Variants in HS6ST3 observed in about 807,000 individuals in gnomAD.
The protein encoded by HS6ST3 is heparan-sulfate 6-O-sulfotransferase 3.
A neutral mutation model predicts 36.7 loss-of-function variants in HS6ST3; 12 were observed. The observed-to-expected ratio is 0.33, with a 90% confidence interval of 0.21 to 0.53. HS6ST3 has a LOEUF of 0.53. Among genes scored for constraint, HS6ST3 ranks in the 20% least tolerant of loss-of-function variants. HS6ST3 has a pLI of 0.95. For missense variants in HS6ST3, 584 were observed against 640.9 expected (o/e 0.91, Z 0.96); for synonymous variants, 240 against 257.5 (o/e 0.93, Z 0.65).
At chr13:96,389,799 A>G (rs910603472) in intron 1 of HS6ST3, among the ~76,000 whole-genome samples, 1 of 152,204 alleles carries the variant, frequency 6.6e-6, no homozygotes, top group African/African-American at 2.4e-5. Context: ...GGATCTCCCT[A>G]AGATTTTAAC....
chr13:96,442,572 G>C (rs1383007019), intron 1 of HS6ST3, among the ~76,000 whole-genome samples: 1 of 152,044 alleles, frequency 6.6e-6, no homozygotes. Flanking sequence ...ACTTGAACAT[G>C]GATAGCAGAA....
intron 1 of HS6ST3, among the ~76,000 whole-genome samples, chr13:96,263,378 T>C (rs74106369): frequency 0.018 from 2,685 of 152,298 alleles, 84 homozygotes; most frequent in African/African-American, 0.059. Flanking sequence ...AGAAAGTTTT[T>C]CCAGTCCGTA....
In HS6ST3 at chr13:96,713,239, A is replaced by G. The variant is rs143803982; in HGVS notation, c.708-119251A>G. Among the ~76,000 whole-genome samples, 279 of 152,306 alleles carry G rather than the reference A, an allele frequency of 1.8e-3. 2 individuals are homozygous for G. The highest frequency in any genetic ancestry group is 6.3e-3 in the African/African-American group (262 of 41,558). The stretch of plus-strand genomic sequence containing the variant: ...TTTAAATATGGACTCTAAATATTCT[A>G]CATCTTTCAAAACCATTGATTGCCA... On this transcript the variant is annotated intron_variant, in intron 1 of 1. Transcript: ENST00000376705.
At chr13:96,407,072 C>T (rs550425607) in intron 1 of HS6ST3, among the ~76,000 whole-genome samples, 4 of 152,246 alleles carry the variant, frequency 2.6e-5, no homozygotes, top group East Asian at 3.9e-4. Flanking sequence ...TATCATTTTA[C>T]GGGATTTGAC....
At chr13:96,740,108 C>G (rs1414409686) in intron 1 of HS6ST3, among the ~76,000 whole-genome samples, 1 of 152,280 alleles carries the variant, frequency 6.6e-6, no homozygotes, top group East Asian at 1.9e-4. Context: ...TAGTAACAAT[C>G]ATCTCCTAAT....
rs778194663 is a variant in HS6ST3, at chr13:96,090,913, C to T, written c.51C>T (p.Leu17=). ...KWLLTPVLTL[L]FVVIMYQYVS... ...TGCTGACGCCGGTGCTCACTCTCCT[C>T]TTCGTGGTCATCATGTACCAGTACG... Residue 17 remains leucine, a synonymous_variant, in exon 1 of 2, where the codon CTC becomes CTT. Coordinates refer to ENST00000376705, the MANE Select transcript of HS6ST3 (RefSeq NM_153456.4). 6.6e-7 allele frequency: 1 copy of T among 1,514,596 alleles called. No homozygotes were observed. The highest frequency in any genetic ancestry group is 8.9e-7 in the Non-Finnish European group (1 of 1,126,728). 93.8% of individuals were successfully genotyped at this position (1,514,596 alleles called of 1,614,324 possible). A position where few individuals can be genotyped will look rare whatever the true frequency, so the allele number is the denominator to read the frequency against.
At chr13:96,237,430 T>C (rs1271265804) in intron 1 of HS6ST3, among the ~76,000 whole-genome samples, 1 of 152,170 alleles carries the variant, frequency 6.6e-6, no homozygotes, top group African/African-American at 2.4e-5. Context: ...AGTTCTTTTA[T>C]TTTCCACTGG....
At chr13:96,501,748 A>C (rs2056005272) in intron 1 of HS6ST3, among the ~76,000 whole-genome samples, 1 of 152,250 alleles carries the variant, frequency 6.6e-6, no homozygotes, top group South Asian at 2.1e-4. Flanking sequence ...ATATGCTAAA[A>C]ATTCCTGATG....
intron 1 of HS6ST3, among the ~76,000 whole-genome samples, chr13:96,397,232 A>C (rs2055426708): frequency 6.6e-6 from 1 of 151,918 alleles, no homozygotes. Flanking sequence ...AAAAACAAAA[A>C]CTGCATTTTT....
intron 1 of HS6ST3, among the ~76,000 whole-genome samples, chr13:96,175,694 C>CAA (rs4001570): frequency 2.1e-5 from 3 of 140,824 alleles, no homozygotes; most frequent in African/African-American, 5.2e-5. Context: ...GTGAATTTGG[C>CAA]AAAAAAAAAA....
chr13:96,351,047 G>A (rs1594760139), intron 1 of HS6ST3, among the ~76,000 whole-genome samples: 1 of 152,128 alleles, frequency 6.6e-6, no homozygotes, highest in Non-Finnish European at 1.5e-5. Flanking sequence ...TTTTCATTGA[G>A]AACCATGTTT....
chr13:96,710,083 A>C (rs2138460103), intron 1 of HS6ST3, among the ~76,000 whole-genome samples: 1 of 152,316 alleles, frequency 6.6e-6, no homozygotes, highest in South Asian at 2.1e-4. Flanking sequence ...AGGTAGATGA[A>C]AAACTGCTGC....
At chr13:96,468,660 G>A (rs1016500185) in intron 1 of HS6ST3, among the ~76,000 whole-genome samples, 4 of 152,096 alleles carry the variant, frequency 2.6e-5, no homozygotes, top group Admixed American at 2.0e-4. Context: ...ACTAAGAGCA[G>A]GATGTTATCA....
At chr13:96,775,907 G>A (rs534211260) in intron 1 of HS6ST3, among the ~76,000 whole-genome samples, 5 of 152,044 alleles carry the variant, frequency 3.3e-5, no homozygotes, top group East Asian at 1.9e-4. Flanking sequence ...GCACCACATC[G>A]CAATGATTCT....
chr13:96,658,268 C>CTTCTTTTTTTTTTT lies in HS6ST3; in HGVS notation c.708-174220_708-174219insCTTTTTTTTTTTTT, dbSNP rs1566422902. Among the ~76,000 whole-genome samples, 82 of 76,100 alleles carry CTTCTTTTTTTTTTT rather than the reference C, an allele frequency of 1.1e-3. 2 individuals carry two copies. The highest frequency in any genetic ancestry group is 1.5e-3 in the Non-Finnish European group (63 of 40,998). 49.9% of individuals were successfully genotyped at this position (76,100 alleles called of 152,430 possible). ...TTCTTCTTCTTCTTCTCTTCTTCTT[C>CTTCTTTTTTTTTTT]TTTTTTTTTTTTTTTTTTTTTTTTT... is the stretch of plus-strand genomic sequence containing the variant. On this transcript the variant is annotated intron_variant, in intron 1 of 1. Coordinates refer to ENST00000376705, the MANE Select transcript of HS6ST3 (RefSeq NM_153456.4).
At chr13:96,353,015 AG>A (rs2055191258) in intron 1 of HS6ST3, among the ~76,000 whole-genome samples, 1 of 143,016 alleles carries the variant, frequency 7.0e-6, no homozygotes, top group African/African-American at 2.6e-5. Context: ...AAGTGGAAAG[AG>A]GGTTGAGTGT....
intron 1 of HS6ST3, among the ~76,000 whole-genome samples, chr13:96,168,909 C>A (rs1433658183): frequency 6.6e-6 from 1 of 151,928 alleles, no homozygotes; most frequent in East Asian, 1.9e-4. Context: ...AATTTTTCAA[C>A]CCTCACCCCA....
chr13:96,823,153 A>G (rs963060480), intron 1 of HS6ST3, among the ~76,000 whole-genome samples: 2 of 152,210 alleles, frequency 1.3e-5, no homozygotes, highest in Non-Finnish European at 2.9e-5. Flanking sequence ...GGAATAGTCA[A>G]GTCCTCTCTG....
At chr13:96,489,385 CA>C in intron 1 of HS6ST3, among the ~76,000 whole-genome samples, 1 of 151,504 alleles carries the variant, frequency 6.6e-6, no homozygotes, top group Non-Finnish European at 1.5e-5. Flanking sequence ...AACACACACA[CA>C]CACACACACA....
Sources: allele counts gnomAD v4.1 joint callset (sites outside exome capture counted in the v4.1 genomes callset), GRCh38; gene constraint gnomAD v4.1.1; transcripts MANE v1.5; gene names NCBI Gene and HGNC (gene_info 2026-07-23, HGNC 2026-07-21).